RRAS2: variants seen among roughly 807,000 people sequenced by gnomAD.
RRAS2 encodes the protein RAS related 2.
Under a neutral mutation model 27.6 loss-of-function variants are expected in RRAS2, and 7 were observed. The observed-to-expected ratio is 0.25, with a 90% CI of 0.14 to 0.48. RRAS2 has a LOEUF of 0.48. Among genes scored for constraint, RRAS2 ranks in the 20% least tolerant of loss-of-function variants. The probability of loss-of-function intolerance (pLI) is 0.99; values close to 1 mark genes in which losing one functional copy is unlikely to be tolerated. For synonymous variants in RRAS2, 86 were observed against 90.9 expected, an observed-to-expected ratio of 0.95 and a Z score of 0.31; for missense variants, 178 against 256.2, an observed-to-expected ratio of 0.69 and a Z score of 2.08.
chr11:14,296,121 AATG>A (rs1847543768), intron 1 of RRAS2, among the ~76,000 whole-genome samples: 1 of 152,104 alleles, frequency 6.6e-6, no homozygotes, highest in African/African-American at 2.4e-5. Flanking sequence ...TTGGGGCTGC[AATG>A]AACCATGATT....
chr11:14,297,725 C>T (rs997852946), intron 1 of RRAS2, among the ~76,000 whole-genome samples: 1 of 152,132 alleles, frequency 6.6e-6, no homozygotes, highest in Non-Finnish European at 1.5e-5. Context: ...TCATGCCACA[C>T]TGCGCTCCAG....
chr11:14,294,582 T>TAA lies in RRAS2; in HGVS notation c.300-5_300-4dup, dbSNP rs781788778. On this transcript the variant is annotated splice_region_variant and splice_polypyrimidine_tract_variant and intron_variant, in intron 3 of 5. Transcript: ENST00000256196. ...GAAACTTATAGATTTCTTCAAAACT[T>TAA]AAAAAAAAAAAATCAAAAACAAATT... The TAA allele has an allele frequency of 2.8e-5, 34 of 1,217,938 alleles. No homozygotes were observed. The highest frequency in any genetic ancestry group is 2.1e-4 in the Middle Eastern group (1 of 4,860). 75.4% of individuals were successfully genotyped at this position (1,217,938 alleles called of 1,614,324 possible). A position where few individuals can be genotyped will look rare whatever the true frequency, so the allele number is the denominator to read the frequency against.
intron 1 of RRAS2, among the ~76,000 whole-genome samples, chr11:14,312,207 C>T (rs782093604): frequency 2.0e-5 from 3 of 152,088 alleles, no homozygotes; most frequent in African/African-American, 7.2e-5. Context: ...GGGGAGAACA[C>T]GGACTAGTTA....
chr11:14,340,868 G>T (rs1465004374), intron 1 of RRAS2, among the ~76,000 whole-genome samples: 1 of 152,112 alleles, frequency 6.6e-6, no homozygotes, highest in African/African-American at 2.4e-5. Context: ...TCTAAAGATG[G>T]AGAGTTCCTT....
At chr11:14,324,828 G>C (rs1848314556) in intron 1 of RRAS2, among the ~76,000 whole-genome samples, 1 of 152,056 alleles carries the variant, frequency 6.6e-6, no homozygotes, top group South Asian at 2.1e-4. Context: ...AAAACAGAAG[G>C]CCTAAAAATA....
In RRAS2 at chr11:14,300,310, G is replaced by T. The variant is rs533115848; in HGVS notation, c.109-4455C>A. ...AATGAACTTCAGTTTCTTTAACATT[G>T]TCAGGAGATGTGGAGAAACATTTAG... is the stretch of plus-strand genomic sequence containing the variant. On this transcript the variant is annotated intron_variant, in intron 1 of 5. Coordinates refer to ENST00000256196, the MANE Select transcript of RRAS2 (RefSeq NM_012250.6). Among the ~76,000 whole-genome samples the T allele has an allele frequency of 1.3e-4, 20 of 152,326 alleles. No individual in the cohort carries two copies. The South Asian group carries it at 4.1e-3, about 32-fold the overall frequency.
intron 4 of RRAS2, among the ~76,000 whole-genome samples, chr11:14,291,951 TACTTTTTATATAC>T (rs1216756818): frequency 1.3e-5 from 2 of 152,232 alleles, no homozygotes; most frequent in African/African-American, 4.8e-5. Context: ...ACACAAAATT[TACTTTTTATATAC>T]ACTTTACACA....
rs1200763846 is a variant in RRAS2 at position 14,358,029 on chromosome 11, C to A, written c.108+734G>T. ...GGTGGTTAGAAAACAGAACGCACGA[C>A]TCGGTCATATCCTAGCCCGGCCCAT... is the stretch of plus-strand genomic sequence containing the variant. On this transcript the variant is annotated intron_variant, in intron 1 of 5. Transcript: ENST00000256196. This position sits in a 1 kb window ranked among gnomAD's most constrained non-coding sequence, Gnocchi z 5.1. Among the ~76,000 whole-genome samples the A allele has an allele frequency of 6.6e-6, 1 of 152,140 alleles. No homozygotes were observed. Among genetic ancestry groups the A allele is most frequent in the Non-Finnish European group, 1.5e-5 (1 of 68,024 alleles).
intron 1 of RRAS2, chr11:14,354,644 A>G (rs1849032428): frequency 6.7e-6 from 1 of 150,078 alleles, no homozygotes; most frequent in Non-Finnish European, 1.5e-5. Context: ...CAGAACTAAC[A>G]GCAGCAAATA....
intron 1 of RRAS2, among the ~76,000 whole-genome samples, chr11:14,344,915 A>T (rs887832915): frequency 1.3e-5 from 2 of 152,066 alleles, no homozygotes; most frequent in East Asian, 3.9e-4. Context: ...ATGGAACCAT[A>T]ATAGATACAA....
chr11:14,333,421 A>G (rs574883968), intron 1 of RRAS2, among the ~76,000 whole-genome samples: 1 of 152,342 alleles, frequency 6.6e-6, no homozygotes, highest in South Asian at 2.1e-4. Flanking sequence ...CAAGTTTTAA[A>G]AATTCCTTTT....
At chr11:14,333,434 T>TA (rs1564976011) in intron 1 of RRAS2, among the ~76,000 whole-genome samples, 1 of 152,154 alleles carries the variant, frequency 6.6e-6, no homozygotes, top group Non-Finnish European at 1.5e-5. Flanking sequence ...TTCCTTTTCC[T>TA]TATAAACATA....
At chr11:14,309,292 T>G (rs562719451) in intron 1 of RRAS2, among the ~76,000 whole-genome samples, 1 of 152,308 alleles carries the variant, frequency 6.6e-6, no homozygotes, top group East Asian at 1.9e-4. Context: ...GTTCTATTAC[T>G]AAACTGCTAA....
intron 4 of RRAS2, among the ~76,000 whole-genome samples, chr11:14,294,186 C>T (rs528617289): frequency 5.3e-5 from 8 of 152,178 alleles, no homozygotes; most frequent in Middle Eastern, 3.4e-3. Flanking sequence ...TTATTACATG[C>T]GAATAAAGCT....
At chr11:14,306,116 G>T (rs913252015) in intron 1 of RRAS2, among the ~76,000 whole-genome samples, 1 of 149,808 alleles carries the variant, frequency 6.7e-6, no homozygotes, top group Admixed American at 6.7e-5. Context: ...ATGTAAAATA[G>T]TCTCTCACTG....
Position 14,306,033 on chromosome 11 carries a change from A to C in RRAS2, c.109-10178T>G, listed in dbSNP as rs1397659217. On this transcript the variant is annotated intron_variant, in intron 1 of 5. Coordinates refer to ENST00000256196, the MANE Select transcript of RRAS2 (RefSeq NM_012250.6). ...GCATTCCAACCTGGGCTACAGACTG[A>C]GATCCTATCCCCCACCGCCGCCCCC... is the stretch of plus-strand genomic sequence containing the variant. Among the ~76,000 whole-genome samples, 3 of 152,002 alleles carry C rather than the reference A, an allele frequency of 2.0e-5. No individual in the cohort carries two copies. In the East Asian group the frequency reaches 5.8e-4, roughly 29 times the overall value.
In RRAS2 at chr11:14,294,982, G is replaced by A. The variant is rs930638677; in HGVS notation, c.197-120C>T. 8 of 732,922 alleles carry A rather than the reference G, an allele frequency of 1.1e-5. No individual in the cohort carries two copies. In the African/African-American group the frequency reaches 1.2e-4, roughly 11 times the overall value. The allele number at this position is 732,922 out of a possible 1,614,324, so 45.4% of individuals were successfully genotyped here. ...TCATACTTGGTATAATACAGAAATG[G>A]CATTCCTTTCTTAGTACTTTATTCT... is the stretch of plus-strand genomic sequence containing the variant. On this transcript the variant is annotated intron_variant, in intron 2 of 5. Transcript: ENST00000256196.
At position 14,279,097 on chromosome 11, in the gene RRAS2, A is replaced by G. The variant is rs1849449176; in HGVS notation, c.*240T>C. The stretch of plus-strand genomic sequence containing the variant: ...TTAAAAAAAGAGCATGTCTGTGTAT[A>G]TAGACATATATTTTAAAGGAATCAG... On this transcript the variant is annotated 3_prime_UTR_variant, in exon 6 of 6. Coordinates refer to ENST00000256196, the MANE Select transcript of RRAS2 (RefSeq NM_012250.6). 1.6e-5 allele frequency: 7 copies of G among 448,160 alleles called. No individual in the cohort carries two copies. The East Asian group carries it at 2.6e-4, about 17-fold the overall frequency. 27.8% of individuals were successfully genotyped at this position (448,160 alleles called of 1,614,324 possible).
intron 1 of RRAS2, among the ~76,000 whole-genome samples, chr11:14,353,653 G>A (rs1849012836): frequency 6.7e-6 from 1 of 150,250 alleles, no homozygotes; most frequent in African/African-American, 2.4e-5. Flanking sequence ...CCAAAACAGG[G>A]GTACGCATGC....
Sources: allele counts gnomAD v4.1 joint callset (sites outside exome capture counted in the v4.1 genomes callset), GRCh38; gene constraint gnomAD v4.1.1; non-coding constraint Gnocchi (gnomAD v3.1); transcripts MANE v1.5; gene names NCBI Gene and HGNC (gene_info 2026-07-23, HGNC 2026-07-21).